The following MOXD1 variants were observed in gnomAD, a reference collection of about 807,000 sequenced individuals.
MOXD1 encodes the protein monooxygenase DBH like 1.
MOXD1 carries 62 observed loss-of-function variants against 66.6 expected under a neutral mutation model. That is an observed-to-expected ratio of 0.93 (90% confidence interval 0.76 to 1.15). MOXD1 has a LOEUF of 1.15. Among genes scored for constraint, MOXD1 ranks in the 50% most tolerant of loss-of-function variants. The probability of loss-of-function intolerance (pLI) is 0.00; values close to 1 mark genes in which losing one functional copy is unlikely to be tolerated. For synonymous variants in MOXD1, 303 were observed against 281.9 expected, an observed-to-expected ratio of 1.07 and a Z score of -0.75; for missense variants, 847 against 754.6, an observed-to-expected ratio of 1.12 and a Z score of -1.44.
intron 9 of MOXD1, among the ~76,000 whole-genome samples, chr6:132,320,167 G>A (rs1399095680): frequency 6.6e-6 from 1 of 152,084 alleles, no homozygotes; most frequent in African/African-American, 2.4e-5. Context: ...AAGAGATTGA[G>A]TAAGACATGA....
chr6:132,296,145 T>C lies in MOXD1; in HGVS notation c.*1008A>G, dbSNP rs1022672224. The C allele has an allele frequency of 1.3e-5, 2 of 152,120 alleles. No homozygotes were observed. Among genetic ancestry groups the C allele is most frequent in the Non-Finnish European group, 2.9e-5 (2 of 68,002 alleles). 9.4% of individuals were successfully genotyped at this position (152,120 alleles called of 1,614,324 possible). On this transcript the variant is annotated 3_prime_UTR_variant, in exon 12 of 12. Transcript: ENST00000367963. ...TAAAACAAGATTTGGCTGAGCTATATAAAGAAAACCAAAAGAGTGACAAGA... is the reference window on the plus strand; with the variant it reads ...TAAAACAAGATTTGGCTGAGCTATACAAAGAAAACCAAAAGAGTGACAAGA...
chr6:132,329,235 G>A (rs1390021123), intron 4 of MOXD1, among the ~76,000 whole-genome samples: 2 of 152,106 alleles, frequency 1.3e-5, no homozygotes, highest in African/African-American at 4.8e-5. Flanking sequence ...TGTCCTTGGC[G>A]ATAGTTTGCT....
chr6:132,372,486 T>C, intron 4 of MOXD1, 122 bp downstream of exon 4: 2 of 900,652 alleles, frequency 2.2e-6, no homozygotes, highest in Non-Finnish European at 3.3e-6. Context: ...AGTTCTTTTT[T>C]CTCTAAAAAA....
chr6:132,379,073 A>C (rs1006235282), intron 1 of MOXD1, among the ~76,000 whole-genome samples: 1 of 151,376 alleles, frequency 6.6e-6, no homozygotes, highest in Non-Finnish European at 1.5e-5. Flanking sequence ...CTACCAAAAA[A>C]ACTACACACC....
At chr6:132,343,163 G>A (rs1775598070) in intron 4 of MOXD1, among the ~76,000 whole-genome samples, 1 of 152,128 alleles carries the variant, frequency 6.6e-6, no homozygotes, top group Admixed American at 6.5e-5. Flanking sequence ...CCAAAATAAT[G>A]GAGAAATTAT....
At chr6:132,377,502 C>A (rs1415055427) in intron 1 of MOXD1, among the ~76,000 whole-genome samples, 2 of 152,188 alleles carry the variant, frequency 1.3e-5, no homozygotes, top group African/African-American at 4.8e-5. Context: ...ATTTTCCACT[C>A]ATTCTATTTC....
At chr6:132,368,094 TC>T (rs1243790250) in intron 4 of MOXD1, among the ~76,000 whole-genome samples, 9 of 151,988 alleles carry the variant, frequency 5.9e-5, no homozygotes. Context: ...CTATGAGAAT[TC>T]CAGGACAATA....
intron 4 of MOXD1, among the ~76,000 whole-genome samples, chr6:132,341,306 A>T (rs541571708): frequency 7.0e-4 from 106 of 152,292 alleles, no homozygotes; most frequent in Non-Finnish European, 1.2e-3. Flanking sequence ...AATAGCTTTC[A>T]CCAGACAGCA....
rs562813291 is a variant in MOXD1, at chr6:132,383,079, T to C, written c.265-8302A>G. Among the ~76,000 whole-genome samples the C allele has an allele frequency of 4.6e-5, 7 of 152,352 alleles. No individual in the cohort carries two copies. The South Asian group carries it at 1.4e-3, about 32-fold the overall frequency. ...GATTCTTGAGAAAAATGTTACCATC[T>C]GTCATCATTTTCTTCAACAGGTGCT... On this transcript the variant is annotated intron_variant, in intron 1 of 11. Transcript: ENST00000367963.
intron 9 of MOXD1, among the ~76,000 whole-genome samples, chr6:132,318,810 A>G (rs1032697490): frequency 1.3e-5 from 2 of 152,074 alleles, no homozygotes; most frequent in Non-Finnish European, 2.9e-5. Context: ...ACATTTAAAT[A>G]TTTAATACAT....
chr6:132,315,785 C>T lies in MOXD1; in HGVS notation c.1366-8G>A, dbSNP rs1554231116. The T allele has an allele frequency of 7.4e-6, 12 of 1,612,666 alleles. No homozygotes were observed. In the South Asian group the frequency reaches 1.3e-4, roughly 18 times the overall value. On this transcript the variant is annotated splice_region_variant and splice_polypyrimidine_tract_variant and intron_variant, in intron 9 of 11. Coordinates refer to ENST00000367963, the MANE Select transcript of MOXD1 (RefSeq NM_015529.4). ...CCTGGTGCTTAGTCCTCCCTGAAAACAGATAGTTTATTTAGCAAAGTATGT... is the reference window on the plus strand; with the variant it reads ...CCTGGTGCTTAGTCCTCCCTGAAAATAGATAGTTTATTTAGCAAAGTATGT...
At chr6:132,298,144 A>T (rs941192064) in intron 10 of MOXD1, among the ~76,000 whole-genome samples, 189 bp from the exon 11 acceptor site, 3 of 152,068 alleles carry the variant, frequency 2.0e-5, no homozygotes, top group African/African-American at 7.2e-5. Flanking sequence ...TTAAAGAATG[A>T]TATTTATTTT....
intron 4 of MOXD1, among the ~76,000 whole-genome samples, chr6:132,339,134 T>C (rs915251045): frequency 6.6e-6 from 1 of 152,238 alleles, no homozygotes; most frequent in South Asian, 2.1e-4. Context: ...CATCTCAATA[T>C]ATTAAGGATT....
chr6:132,369,090 G>C (rs1315226109), intron 4 of MOXD1, among the ~76,000 whole-genome samples: 2 of 152,004 alleles, frequency 1.3e-5, no homozygotes, highest in African/African-American at 4.8e-5. Context: ...TAATGAGATG[G>C]AGCATAATGA....
chr6:132,340,004 G>C lies in MOXD1; in HGVS notation c.664-11410C>G, dbSNP rs142211175. 2.5e-3 allele frequency among the ~76,000 whole-genome samples: 380 copies of C among 151,992 alleles called. 1 individual carries two copies. The highest frequency in any genetic ancestry group is 8.3e-3 in the African/African-American group (342 of 41,430). On this transcript the variant is annotated intron_variant, in intron 4 of 11. Transcript: ENST00000367963. ...CCTGGCTCAGCCTACCGAATAGCTG[G>C]GATTACAGGCATGCACCACCACACC...
chr6:132,299,893 T>C lies in MOXD1; in HGVS notation c.1509-1938A>G, dbSNP rs62426719. Among the ~76,000 whole-genome samples, 401 of 146,408 alleles carry C rather than the reference T, an allele frequency of 2.7e-3. 3 individuals carry two copies. The highest frequency in any genetic ancestry group is 7.9e-3 in the African/African-American group (324 of 40,774). On this transcript the variant is annotated intron_variant, in intron 10 of 11. Transcript: ENST00000367963. Reference sequence around the variant, plus strand: ...TATTTATGTCATTTCTCTCTCCCTCTCTCTCTCTCTCTCTCTCTCTTAACA... The same window carrying C: ...TATTTATGTCATTTCTCTCTCCCTCCCTCTCTCTCTCTCTCTCTCTTAACA...
Position 132,328,569 on chromosome 6 carries a change from T to C in MOXD1, c.689A>G (p.His230Arg). Reference sequence around the variant, plus strand: ...CAGGATGTGGTGCACCAGACTCTCATGGCCTCTCTGTATCACTGGCTCAAC... The same window carrying C: ...CAGGATGTGGTGCACCAGACTCTCACGGCCTCTCTGTATCACTGGCTCAAC... ...IKVEPVIQRG[H>R]ESLVHHILLY... Residue 230 changes from histidine to arginine, a missense_variant, in exon 5 of 12, where the codon CAT (histidine) becomes CGT (arginine). Physicochemically the swap from His to Arg is conservative, Grantham distance 29. Coordinates refer to ENST00000367963, the MANE Select transcript of MOXD1 (RefSeq NM_015529.4). 6.2e-7 allele frequency: 1 copy of C among 1,614,116 alleles called. No individual in the cohort carries two copies. The highest frequency in any genetic ancestry group is 8.5e-7 in the Non-Finnish European group (1 of 1,179,990).
Position 132,305,068 on chromosome 6 carries a change from A to T in MOXD1, c.1509-7113T>A, listed in dbSNP as rs118182677. 8.1e-3 allele frequency among the ~76,000 whole-genome samples: 1,235 copies of T among 152,254 alleles called. 5 individuals are homozygous for T. Among genetic ancestry groups the T allele is most frequent in the Admixed American group, 0.012 (190 of 15,290 alleles). On this transcript the variant is annotated intron_variant, in intron 10 of 11. Coordinates refer to ENST00000367963, the MANE Select transcript of MOXD1 (RefSeq NM_015529.4). Reference sequence around the variant, plus strand: ...CTAAGCTGTTTGAGCTCCTTGGGAGAGGAGCAGCAGCCAGCACTAGGACTC... The same window carrying T: ...CTAAGCTGTTTGAGCTCCTTGGGAGTGGAGCAGCAGCCAGCACTAGGACTC...
At chr6:132,353,701 G>A (rs542143562) in intron 4 of MOXD1, among the ~76,000 whole-genome samples, 3 of 152,208 alleles carry the variant, frequency 2.0e-5, no homozygotes, top group African/African-American at 7.2e-5. Context: ...GTATTTGGAT[G>A]TCGAGGTCTC....
Sources: allele counts gnomAD v4.1 joint callset (sites outside exome capture counted in the v4.1 genomes callset), GRCh38; gene constraint gnomAD v4.1.1; transcripts MANE v1.5; gene names NCBI Gene and HGNC (gene_info 2026-07-23, HGNC 2026-07-21).